Variants in PCDHGB7 observed in about 807,000 individuals in gnomAD.
The protein encoded by PCDHGB7 is protocadherin gamma-B7.
PCDHGB7 carries 37 observed loss-of-function variants against 61.4 expected under a neutral mutation model. That is an observed-to-expected ratio of 0.60 (90% CI 0.46 to 0.79). The LOEUF (loss-of-function observed/expected upper bound fraction) is 0.79. PCDHGB7 is among the 30% of genes least tolerant of loss of function. PCDHGB7 has a pLI of 0.00. For synonymous variants in PCDHGB7, 464 were observed against 503.5 expected, an observed-to-expected ratio of 0.92 and a Z score of 1.05; for missense variants, 1,166 against 1,202.5, an observed-to-expected ratio of 0.97 and a Z score of 0.45.
intron 1 of PCDHGB7, among the ~76,000 whole-genome samples, chr5:141,457,155 A>G (rs1403164805): frequency 1.3e-5 from 2 of 152,216 alleles, no homozygotes; most frequent in Admixed American, 6.5e-5. Flanking sequence ...AGAAGGTGCT[A>G]CCATGGATAA....
rs1023591745 is a variant in PCDHGB7 at position 141,432,912 on chromosome 5, G to T, written c.2415+12638G>T. 2.5e-6 allele frequency: 4 copies of T among 1,614,160 alleles called. No individual in the cohort carries two copies. Among genetic ancestry groups the T allele is most frequent in the Non-Finnish European group, 3.4e-6 (4 of 1,180,012 alleles). On this transcript the variant is annotated intron_variant, in intron 1 of 3. Transcript: ENST00000398594. The surrounding 1 kb of genome is among the most constrained non-coding windows in gnomAD (Gnocchi z 6.0). Reference sequence around the variant, plus strand: ...TTGCTGCTGGCGCTCAGGCTGCGGCGCTGGCACAAGTCACGCCTGCTGCAG... The same window carrying T: ...TTGCTGCTGGCGCTCAGGCTGCGGCTCTGGCACAAGTCACGCCTGCTGCAG...
At chr5:141,446,020 T>C (rs1226676321) in intron 1 of PCDHGB7, among the ~76,000 whole-genome samples, 1 of 152,180 alleles carries the variant, frequency 6.6e-6, no homozygotes, top group African/African-American at 2.4e-5. Context: ...ACTATGGCAA[T>C]ATTCCTGGTA....
intron 1 of PCDHGB7, among the ~76,000 whole-genome samples, chr5:141,467,039 A>G (rs1467529268): frequency 2.6e-5 from 4 of 150,960 alleles, no homozygotes; most frequent in Non-Finnish European, 5.9e-5. Context: ...TTTTTTGTGT[A>G]ATGAATCAAT....
At chr5:141,478,545 A>C in intron 1 of PCDHGB7, 1 of 1,605,606 alleles carries the variant, frequency 6.2e-7, no homozygotes, top group Non-Finnish European at 8.5e-7. Flanking sequence ...CCTCCCGGAC[A>C]GGTAAGGTTT....
chr5:141,491,479 C>T lies in PCDHGB7; in HGVS notation c.2416-3328C>T. On this transcript the variant is annotated intron_variant, in intron 1 of 3. Transcript: ENST00000398594. The surrounding 1 kb of genome is among the most constrained non-coding windows in gnomAD (Gnocchi z 6.9). ...CCCGGACTTCTATAAGCAGTCCAGCCCCAACCTGCAGGTGAGCTCGGACGG... is the reference window on the plus strand; with the variant it reads ...CCCGGACTTCTATAAGCAGTCCAGCTCCAACCTGCAGGTGAGCTCGGACGG... 1 of 1,614,144 alleles carries T rather than the reference C, an allele frequency of 6.2e-7. No homozygotes were observed. Among genetic ancestry groups the T allele is most frequent in the Non-Finnish European group, 8.5e-7 (1 of 1,180,024 alleles).
At chr5:141,457,175 A>C (rs1447297536) in intron 1 of PCDHGB7, among the ~76,000 whole-genome samples, 2 of 152,192 alleles carry the variant, frequency 1.3e-5, no homozygotes, top group Non-Finnish European at 2.9e-5. Flanking sequence ...ACCCTATTGC[A>C]AATAGTAGAG....
chr5:141,422,703 G>A (rs1473348513), intron 1 of PCDHGB7: 1 of 1,603,132 alleles, frequency 6.2e-7, no homozygotes, highest in Admixed American at 1.7e-5. Context: ...CTTACTCTCT[G>A]ACGGATGACA....
At position 141,419,754 on chromosome 5, in the gene PCDHGB7, T is replaced by C; in HGVS notation, c.1895T>C (p.Leu632Ser). 1 of 1,613,924 alleles carries C rather than the reference T, an allele frequency of 6.2e-7. No homozygotes were observed. ...GGCGAGGTGCGCATGGTGCGTGCTTTGGGTGACAAGGACTCGGTCCGCCAG... is the reference window on the plus strand; with the variant it reads ...GGCGAGGTGCGCATGGTGCGTGCTTCGGGTGACAAGGACTCGGTCCGCCAG... ...RTGEVRMVRA[L>S]GDKDSVRQRL... The change falls in exon 1 of 4, where the codon TTG becomes TCG. Residue 632 changes from leucine (L) to serine (S), a missense_variant. Physicochemically the swap from Leu to Ser is moderately radical, Grantham distance 145 (BLOSUM62 -2). Coordinates refer to ENST00000398594, the MANE Select transcript of PCDHGB7 (RefSeq NM_018927.4).
At chr5:141,428,081 C>G (rs768842388) in intron 1 of PCDHGB7, 3 of 1,609,218 alleles carry the variant, frequency 1.9e-6, no homozygotes, top group South Asian at 2.2e-5. Context: ...CGGGACACAA[C>G]GCTTGGCTGT....
At position 141,477,754 on chromosome 5, in the gene PCDHGB7, C is replaced by T. The variant is rs1325020341; in HGVS notation, c.2416-17053C>T. The T allele has an allele frequency of 3.7e-6, 6 of 1,613,928 alleles. No homozygotes were observed. Among genetic ancestry groups the T allele is most frequent in the Non-Finnish European group, 5.1e-6 (6 of 1,180,046 alleles). On this transcript the variant is annotated intron_variant, in intron 1 of 3. Coordinates refer to ENST00000398594, the MANE Select transcript of PCDHGB7 (RefSeq NM_018927.4). The surrounding 1 kb of genome is among the most constrained non-coding windows in gnomAD (Gnocchi z 4.9). Reference sequence around the variant, plus strand: ...ATATCAGCGATGGGGGCACCCCGGTCCTAGCCACCAACATCAGCGTGAACA... The same window carrying T: ...ATATCAGCGATGGGGGCACCCCGGTTCTAGCCACCAACATCAGCGTGAACA...
At chr5:141,450,006 C>CTATTTTTTTTT (rs70988802) in intron 1 of PCDHGB7, among the ~76,000 whole-genome samples, 2 of 132,964 alleles carry the variant, frequency 1.5e-5, no homozygotes, top group African/African-American at 2.8e-5. Flanking sequence ...TGCCATGTCT[C>CTATTTTTTTTT]TTTTTTTTTT....
intron 1 of PCDHGB7, among the ~76,000 whole-genome samples, chr5:141,470,854 A>G (rs553276517): frequency 6.6e-6 from 1 of 152,028 alleles, no homozygotes; most frequent in Admixed American, 6.6e-5. Context: ...TGCTCAGATA[A>G]GTTTTTTGTT....
Position 141,490,749 on chromosome 5 carries a change from C to T in PCDHGB7, c.2416-4058C>T, listed in dbSNP as rs777124697. 3.1e-6 allele frequency: 5 copies of T among 1,614,098 alleles called. No individual in the cohort carries two copies. The South Asian group carries it at 5.5e-5, about 18-fold the overall frequency. ...GAAATCAGGTTCAGGGAGCCCCAGC[C>T]TCCTCCTTTGTGTATGTCAACCCAG... On this transcript the variant is annotated intron_variant, in intron 1 of 3. Coordinates refer to ENST00000398594, the MANE Select transcript of PCDHGB7 (RefSeq NM_018927.4). The surrounding 1 kb of genome is among the most constrained non-coding windows in gnomAD (Gnocchi z 5.4).
chr5:141,464,898 C>T (rs969877255), intron 1 of PCDHGB7, among the ~76,000 whole-genome samples: 4 of 151,958 alleles, frequency 2.6e-5, no homozygotes, highest in African/African-American at 4.8e-5. Flanking sequence ...GCCACCATGT[C>T]CAGCTAATTT....
Position 141,420,025 on chromosome 5 carries a change from T to A in PCDHGB7, c.2166T>A (p.Thr722=). ...ALRLRQSFSP[T]AGDCFESVLC... ...GCCTGCGACAGTCTTTCAGCCCTAC[T>A]GCAGGAGACTGCTTTGAGTCAGTTC... The change falls in exon 1 of 4, where the codon ACT becomes ACA. Residue 722 remains threonine (T), a synonymous_variant. Transcript: ENST00000398594. 6.2e-7 allele frequency: 1 copy of A among 1,614,096 alleles called. No homozygotes were observed. The highest frequency in any genetic ancestry group is 8.5e-7 in the Non-Finnish European group (1 of 1,179,908).
chr5:141,426,711 G>C, intron 1 of PCDHGB7: 1 of 444,496 alleles, frequency 2.2e-6, no homozygotes, highest in Non-Finnish European at 4.6e-6. Flanking sequence ...ACAAATCAAT[G>C]AACTAGCAAT....
Position 141,432,124 on chromosome 5 carries a change from C to G in PCDHGB7, c.2415+11850C>G, listed in dbSNP as rs1286909667. On this transcript the variant is annotated intron_variant, in intron 1 of 3. Transcript: ENST00000398594. The surrounding 1 kb of genome is among the most constrained non-coding windows in gnomAD (Gnocchi z 6.0). ...ACAACCCGCCGGTCTTCCCTCAGGC[C>G]TCCTATTCCGCTTATATCCCAGAGA... 6.2e-7 allele frequency: 1 copy of G among 1,614,156 alleles called. No homozygotes were observed. The highest frequency in any genetic ancestry group is 1.1e-5 in the South Asian group (1 of 91,066).
intron 1 of PCDHGB7, among the ~76,000 whole-genome samples, chr5:141,456,499 A>C (rs1283501704): frequency 6.6e-6 from 1 of 152,210 alleles, no homozygotes; most frequent in Non-Finnish European, 1.5e-5. Flanking sequence ...AAAGGGGTTA[A>C]CCAATTCCAT....
At chr5:141,456,148 C>T (rs1408257938) in intron 1 of PCDHGB7, among the ~76,000 whole-genome samples, 13 of 152,078 alleles carry the variant, frequency 8.5e-5, no homozygotes, top group African/African-American at 3.1e-4. Flanking sequence ...CCGCCCGCCT[C>T]GGCCTCCTAA....
Sources: gnomAD v4.1 joint callset for allele counts (sites outside exome capture counted in the v4.1 genomes callset) on GRCh38, gnomAD v4.1.1 for gene constraint, Gnocchi (gnomAD v3.1) non-coding constraint, MANE v1.5 for transcripts, NCBI Gene and HGNC (gene_info 2026-07-23, HGNC 2026-07-21) for gene names.